Variants in NKAIN3 observed in about 807,000 individuals in gnomAD.
The protein encoded by NKAIN3 is sodium/potassium-transporting ATPase subunit beta-1-interacting protein 3.
NKAIN3 carries 25 observed loss-of-function variants against 30.2 expected under a neutral mutation model. The observed-to-expected ratio is 0.83, with a 90% CI of 0.60 to 1.16. The LOEUF (loss-of-function observed/expected upper bound fraction) is 1.16, where lower values mean the gene tolerates loss of function less well. NKAIN3 is among the 50% of genes most tolerant of loss of function. The pLI, the probability that NKAIN3 is intolerant of heterozygous loss-of-function variation, is 0.00. For synonymous variants in NKAIN3, 91 were observed against 89.6 expected (o/e 1.02, Z -0.09); for missense variants, 225 against 254.1 (o/e 0.89, Z 0.78).
At chr8:62,735,305 T>G (rs1250861368) in intron 3 of NKAIN3, among the ~76,000 whole-genome samples, 1 of 152,076 alleles carries the variant, frequency 6.6e-6, no homozygotes. Flanking sequence ...TAAAAAGTTT[T>G]TCTTTTCTTT....
chr8:62,863,516 T>C, intron 4 of NKAIN3: 7 of 1,441,864 alleles, frequency 4.9e-6, no homozygotes, highest in Admixed American at 3.4e-5. Flanking sequence ...GCCTTGATAG[T>C]TGAACTTGAT....
intron 4 of NKAIN3, among the ~76,000 whole-genome samples, chr8:62,850,630 G>A (rs947864372): frequency 6.6e-6 from 1 of 151,916 alleles, no homozygotes; most frequent in Non-Finnish European, 1.5e-5. Context: ...ATTAATTTTT[G>A]TATAAGGTGT....
chr8:62,458,249 T>C (rs912026956), intron 1 of NKAIN3, among the ~76,000 whole-genome samples: 1 of 152,214 alleles, frequency 6.6e-6, no homozygotes, highest in African/African-American at 2.4e-5. Context: ...GAGCCATCTC[T>C]ACAAAAATTT....
chr8:62,761,213 T>C (rs1218025259), intron 4 of NKAIN3, among the ~76,000 whole-genome samples: 1 of 151,916 alleles, frequency 6.6e-6, no homozygotes, highest in African/African-American at 2.4e-5. Context: ...TTGTAGAGAG[T>C]CAAAAGTCAG....
At chr8:62,427,313 G>A (rs949478137) in intron 1 of NKAIN3, among the ~76,000 whole-genome samples, 1 of 151,968 alleles carries the variant, frequency 6.6e-6, no homozygotes, top group South Asian at 2.1e-4. Flanking sequence ...ATGAGGCCTT[G>A]CTATTCACCA....
At chr8:62,257,066 A>T (rs2129388208) in intron 1 of NKAIN3, among the ~76,000 whole-genome samples, 1 of 152,310 alleles carries the variant, frequency 6.6e-6, no homozygotes, top group Non-Finnish European at 1.5e-5. Context: ...TAATTAACAC[A>T]TTCATCACCT....
Position 62,249,141 on chromosome 8 carries a change from G to T in NKAIN3, c.54+14G>T. 6.5e-7 allele frequency: 1 copy of T among 1,531,568 alleles called. No individual in the cohort carries two copies. 94.9% of individuals were successfully genotyped at this position (1,531,568 alleles called of 1,614,324 possible). On this transcript the variant is annotated intron_variant, in intron 1 of 6. Coordinates refer to ENST00000623646, the MANE Select transcript of NKAIN3 (RefSeq NM_001304533.3). ...GCGCTGCAGTTGGTGAGTGCCCCGA[G>T]GGCCCCTGCCCCAGGACAGGTCCCT...
At chr8:62,377,958 G>A (rs749553382) in intron 1 of NKAIN3, among the ~76,000 whole-genome samples, 3 of 152,210 alleles carry the variant, frequency 2.0e-5, no homozygotes, top group Non-Finnish European at 2.9e-5. Flanking sequence ...TCAAAATGTG[G>A]AAGTGACTTT....
intron 1 of NKAIN3, among the ~76,000 whole-genome samples, chr8:62,516,237 G>A (rs111229966): frequency 1.3e-5 from 2 of 152,106 alleles, no homozygotes; most frequent in African/African-American, 2.4e-5. Context: ...TATGGTATGA[G>A]GTAAGGATTC....
chr8:62,693,568 A>G (rs1212118562), intron 3 of NKAIN3, among the ~76,000 whole-genome samples: 1 of 152,232 alleles, frequency 6.6e-6, no homozygotes, highest in South Asian at 2.1e-4. Context: ...CTGAAATTTC[A>G]TAAGTTCTGC....
intron 1 of NKAIN3, among the ~76,000 whole-genome samples, chr8:62,293,639 C>G (rs1813725480): frequency 6.6e-6 from 1 of 152,214 alleles, no homozygotes; most frequent in Non-Finnish European, 1.5e-5. Context: ...AGGTGTCAGT[C>G]AGCCCGTATT....
In NKAIN3 at chr8:62,401,163, G is replaced by A. The variant is rs1002424136; in HGVS notation, c.54+152036G>A. On this transcript the variant is annotated intron_variant, in intron 1 of 6. Transcript: ENST00000623646. ...TTCTCTGTCTGTGTATTTTCACATAGCCTCTCTTCAAATTCACTAATTCTT... is the reference window on the plus strand; with the variant it reads ...TTCTCTGTCTGTGTATTTTCACATAACCTCTCTTCAAATTCACTAATTCTT... 4.6e-5 allele frequency among the ~76,000 whole-genome samples: 7 copies of A among 151,864 alleles called. No individual in the cohort carries two copies. The South Asian group carries it at 1.0e-3, about 23-fold the overall frequency.
intron 4 of NKAIN3, among the ~76,000 whole-genome samples, chr8:62,764,264 C>T (rs1356116963): frequency 2.0e-5 from 3 of 152,262 alleles, no homozygotes; most frequent in East Asian, 3.9e-4. Context: ...TACTATTTTG[C>T]AGAATCTTCT....
intron 3 of NKAIN3, among the ~76,000 whole-genome samples, chr8:62,726,501 T>C (rs912461271): frequency 6.6e-6 from 1 of 152,072 alleles, no homozygotes; most frequent in Non-Finnish European, 1.5e-5. Flanking sequence ...ATTCTTATCA[T>C]GGAAGGATGT....
At chr8:62,549,386 TA>T (rs1177163457) in intron 1 of NKAIN3, among the ~76,000 whole-genome samples, 6 of 152,150 alleles carry the variant, frequency 3.9e-5, no homozygotes, top group African/African-American at 1.4e-4. Context: ...TTGTTTAATT[TA>T]AAATTTTTTT....
At chr8:62,820,898 CT>C (rs1304267105) in intron 4 of NKAIN3, among the ~76,000 whole-genome samples, 2 of 151,986 alleles carry the variant, frequency 1.3e-5, no homozygotes, top group African/African-American at 4.8e-5. Flanking sequence ...TCTACAAAGC[CT>C]TTATTTTTGT....
intron 1 of NKAIN3, among the ~76,000 whole-genome samples, chr8:62,376,936 A>G (rs1390553164): frequency 2.0e-5 from 3 of 152,172 alleles, no homozygotes; most frequent in African/African-American, 7.2e-5. Flanking sequence ...CTTTATATAT[A>G]TTTTGATTTT....
intron 4 of NKAIN3, among the ~76,000 whole-genome samples, chr8:62,806,581 A>T (rs1035678553): frequency 3.3e-5 from 5 of 152,054 alleles, no homozygotes; most frequent in Admixed American, 1.3e-4. Flanking sequence ...GCATGTTCTC[A>T]CTCATAGGTG....
chr8:62,279,498 T>G (rs1434945545), intron 1 of NKAIN3, among the ~76,000 whole-genome samples: 2 of 152,236 alleles, frequency 1.3e-5, no homozygotes, highest in Non-Finnish European at 2.9e-5. Flanking sequence ...AGGGTTTTTA[T>G]GGTTTTGGGT....
Sources: gnomAD v4.1 joint callset for allele counts (sites outside exome capture counted in the v4.1 genomes callset) on GRCh38, gnomAD v4.1.1 for gene constraint, MANE v1.5 for transcripts, NCBI Gene and HGNC (gene_info 2026-07-23, HGNC 2026-07-21) for gene names.